Variants in ULK2 observed in about 807,000 individuals in gnomAD.
ULK2 encodes serine/threonine-protein kinase ULK2.
In ULK2, 76 loss-of-function variants were observed where a neutral mutation model predicts 127.5. That is an observed-to-expected ratio of 0.60 (90% CI 0.50 to 0.72). The LOEUF (loss-of-function observed/expected upper bound fraction) is 0.72, where lower values mean the gene tolerates loss of function less well. ULK2 is among the 30% of genes least tolerant of loss of function. The pLI is 0.00. For missense variants in ULK2, 1,144 were observed against 1,295.9 expected (o/e 0.88, Z 1.80); for synonymous variants, 452 against 461.9 (o/e 0.98, Z 0.28).
In ULK2 at chr17:19,796,280, G is replaced by GAGACC; in HGVS notation, c.1811_1812insGGTCT (p.Thr605ValfsTer18). On this transcript the variant is annotated frameshift_variant and splice_region_variant, in exon 19 of 27. Transcript: ENST00000395544. LOFTEE classifies it high-confidence loss of function. ...TTTTAGGGATTTTGAAAGGAGCTGT[G>GAGACC]GTCTAAAGAGACATATATATATATA... 1 of 1,529,116 alleles carries GAGACC rather than the reference G, an allele frequency of 6.5e-7. No individual in the cohort carries two copies. The allele number at this position is 1,529,116 out of a possible 1,614,324, so 94.7% of individuals were successfully genotyped here.
chr17:19,864,323 A>G (rs1402486832), intron 3 of ULK2, among the ~76,000 whole-genome samples: 4 of 151,968 alleles, frequency 2.6e-5, no homozygotes, highest in African/African-American at 9.7e-5. Flanking sequence ...CACACACACA[A>G]AATTAGCTGG....
chr17:19,816,709 A>G, intron 13 of ULK2, 40 bp downstream of exon 13: 1 of 1,482,260 alleles, frequency 6.7e-7, no homozygotes, highest in African/African-American at 1.4e-5. Context: ...AGTTTAGTAG[A>G]TTAAGAAATA....
chr17:19,819,174 T>C (rs1312100295), intron 12 of ULK2, among the ~76,000 whole-genome samples: 2 of 152,232 alleles, frequency 1.3e-5, no homozygotes, highest in South Asian at 2.1e-4. Context: ...ACCCACTCTG[T>C]CTTCAACCCT....
intron 3 of ULK2, among the ~76,000 whole-genome samples, chr17:19,853,260 C>G (rs893092232): frequency 6.6e-6 from 1 of 151,632 alleles, no homozygotes; most frequent in African/African-American, 2.4e-5. Context: ...TCAGCACCCC[C>G]GAGTAGCTAG....
At chr17:19,861,159 T>TAAC (rs1389834167) in intron 3 of ULK2, 1 of 151,990 alleles carries the variant, frequency 6.6e-6, no homozygotes, top group Non-Finnish European at 1.5e-5. Context: ...CCTGATTGAT[T>TAAC]AACAATTCAC....
At chr17:19,814,438 A>ATATATTTTTT (rs1318303261) in intron 13 of ULK2, among the ~76,000 whole-genome samples, 1 of 23,332 alleles carries the variant, frequency 4.3e-5, no homozygotes, top group African/African-American at 1.9e-4. Context: ...ATATATATAT[A>ATATATTTTTT]TTTTTTTTTT....
chr17:19,867,212 C>G (rs1466659278), intron 1 of ULK2, 116 bp downstream of exon 1: 10 of 740,186 alleles, frequency 1.4e-5, no homozygotes, highest in Non-Finnish European at 1.8e-5. Flanking sequence ...CGCACAATAG[C>G]ATACCCGGGC....
intron 15 of ULK2, among the ~76,000 whole-genome samples, chr17:19,803,692 A>G: frequency 6.6e-6 from 1 of 152,166 alleles, no homozygotes; most frequent in Non-Finnish European, 1.5e-5. Flanking sequence ...AAGGTGTGTA[A>G]TATTCCATTA....
At chr17:19,806,463 C>G (rs572578175) in intron 14 of ULK2, among the ~76,000 whole-genome samples, 16 of 152,282 alleles carry the variant, frequency 1.1e-4, no homozygotes, top group African/African-American at 3.9e-4. Flanking sequence ...GTAATCTCAG[C>G]TGGCTTCTCT....
chr17:19,845,465 G>T (rs1032187634), intron 6 of ULK2, 88 bp from the exon 7 acceptor site: 18 of 1,015,830 alleles, frequency 1.8e-5, no homozygotes, highest in Non-Finnish European at 2.3e-5. Flanking sequence ...ACACAAGAAG[G>T]CACAAAGGAC....
intron 5 of ULK2, among the ~76,000 whole-genome samples, chr17:19,847,662 G>C (rs879688297): frequency 2.0e-5 from 3 of 152,168 alleles, no homozygotes; most frequent in Non-Finnish European, 2.9e-5. Context: ...AGATTCTCCA[G>C]CTTCAGCCTC....
chr17:19,854,433 TAATA>T (rs2042081643), intron 3 of ULK2, among the ~76,000 whole-genome samples: 1 of 152,166 alleles, frequency 6.6e-6, no homozygotes, highest in Non-Finnish European at 1.5e-5. Context: ...TAATACTGAT[TAATA>T]AATTTATAAA....
intron 9 of ULK2, chr17:19,840,373 C>T (rs1848654185): frequency 1.9e-6 from 1 of 520,304 alleles, no homozygotes; most frequent in African/African-American, 2.0e-5. Flanking sequence ...TTCAGACCCA[C>T]TCCTAAAAAC....
Position 19,774,480 on chromosome 17 carries a change from C to T in ULK2, c.*1869G>A, listed in dbSNP as rs1211248181. On this transcript the variant is annotated 3_prime_UTR_variant, in exon 27 of 27. Coordinates refer to ENST00000395544, the MANE Select transcript of ULK2 (RefSeq NM_014683.4). Reference sequence around the variant, plus strand: ...AGGAAGAGGAGAGGATAGAATAAACCTACAACTGAGATAACACAGGTGATA... The same window carrying T: ...AGGAAGAGGAGAGGATAGAATAAACTTACAACTGAGATAACACAGGTGATA... The T allele has an allele frequency of 6.6e-6, 1 of 152,148 alleles. No homozygotes were observed. Among genetic ancestry groups the T allele is most frequent in the Non-Finnish European group, 1.5e-5 (1 of 68,032 alleles). The allele number at this position is 152,148 out of a possible 1,614,324, so 9.4% of individuals were successfully genotyped here.
intron 12 of ULK2, among the ~76,000 whole-genome samples, chr17:19,817,311 C>T (rs1007210286): frequency 3.9e-5 from 6 of 152,190 alleles, no homozygotes; most frequent in Middle Eastern, 3.4e-3. Flanking sequence ...TGTCCAGAGA[C>T]TTTAAATTAA....
chr17:19,804,561 C>G, intron 15 of ULK2, 132 bp downstream of exon 15: 1 of 908,154 alleles, frequency 1.1e-6, no homozygotes, highest in East Asian at 3.0e-5. Flanking sequence ...CTTTATTATT[C>G]AATTTTGTGC....
chr17:19,805,924 C>T (rs1023562220), intron 14 of ULK2, among the ~76,000 whole-genome samples: 17 of 152,184 alleles, frequency 1.1e-4, no homozygotes, highest in Non-Finnish European at 7.3e-5. Context: ...AAGTGGAATT[C>T]CTAATGATAC....
At chr17:19,861,415 G>A (rs1469921489) in intron 3 of ULK2, among the ~76,000 whole-genome samples, 1 of 151,996 alleles carries the variant, frequency 6.6e-6, no homozygotes, top group Admixed American at 6.6e-5. Context: ...TATGATGGCG[G>A]GCGCCTGTAG....
At chr17:19,838,413 T>C (rs756504735) in intron 10 of ULK2, 88 bp downstream of exon 10, 50 of 1,198,486 alleles carry the variant, frequency 4.2e-5, no homozygotes, top group Admixed American at 1.8e-4. Flanking sequence ...AAACTGACTT[T>C]AATTTTCTGA....
Sources: gnomAD v4.1 joint callset for allele counts (sites outside exome capture counted in the v4.1 genomes callset) on GRCh38, gnomAD v4.1.1 for gene constraint, MANE v1.5 for transcripts, NCBI Gene and HGNC (gene_info 2026-07-23, HGNC 2026-07-21) for gene names.